Variants in GALNT14 observed in about 807,000 individuals in gnomAD.
GALNT14 encodes UDP-GalNAc:polypeptide N-acetylgalactosaminyltransferase 14.
GALNT14 carries 60 observed loss-of-function variants against 77.5 expected under a neutral mutation model. The ratio of observed to expected loss-of-function variants is 0.77; its 90% CI spans 0.63 to 0.96. The LOEUF is 0.96. GALNT14 is among the 40% of genes least tolerant of loss of function. The probability of loss-of-function intolerance (pLI) is 0.00; values close to 1 mark genes in which losing one functional copy is unlikely to be tolerated. For missense variants in GALNT14, 710 were observed against 731.0 expected (o/e 0.97, Z 0.33); for synonymous variants, 280 against 281.7 (o/e 0.99, Z 0.06).
chr2:30,960,088 AG>A (rs1667593019), intron 3 of GALNT14, among the ~76,000 whole-genome samples: 2 of 152,324 alleles, frequency 1.3e-5, no homozygotes, highest in South Asian at 4.1e-4. Flanking sequence ...AACTAGTATC[AG>A]ATGGAGAGAG....
intron 1 of GALNT14, among the ~76,000 whole-genome samples, chr2:31,098,516 C>T (rs528178573): frequency 6.6e-6 from 1 of 152,132 alleles, no homozygotes; most frequent in Non-Finnish European, 1.5e-5. Flanking sequence ...CCCTTCTACC[C>T]TTGCCCATCC....
chr2:31,010,668 C>T (rs1416529175), intron 1 of GALNT14, among the ~76,000 whole-genome samples: 2 of 152,152 alleles, frequency 1.3e-5, no homozygotes, highest in East Asian at 3.9e-4. Context: ...CCTCCAGCGG[C>T]TCCCACTGCA....
At chr2:31,032,956 G>C (rs1672504849) in intron 1 of GALNT14, among the ~76,000 whole-genome samples, 1 of 152,146 alleles carries the variant, frequency 6.6e-6, no homozygotes, top group South Asian at 2.1e-4. Context: ...GCAGCCCTGA[G>C]TTGGAATCAC....
the GALNT14 span, among the ~76,000 whole-genome samples, chr2:30,899,339 T>C: frequency 1.3e-5 from 2 of 152,216 alleles, no homozygotes; most frequent in African/African-American, 4.8e-5. Flanking sequence ...AAGGCTCCGC[T>C]CTGGGAAGCT....
At chr2:31,016,106 C>G (rs1671332039) in intron 1 of GALNT14, among the ~76,000 whole-genome samples, 1 of 152,172 alleles carries the variant, frequency 6.6e-6, no homozygotes, top group Non-Finnish European at 1.5e-5. Flanking sequence ...GGGGCTTAAA[C>G]AACAGAAGTT....
At chr2:30,957,769 G>A (rs796452017) in intron 4 of GALNT14, among the ~76,000 whole-genome samples, 53 of 152,258 alleles carry the variant, frequency 3.5e-4, no homozygotes, top group African/African-American at 9.4e-4. Flanking sequence ...CCCTCAGTTC[G>A]TCACCAGGAA....
intron 1 of GALNT14, among the ~76,000 whole-genome samples, chr2:31,076,168 T>TA (rs1675772564): frequency 6.6e-6 from 1 of 152,186 alleles, no homozygotes; most frequent in Non-Finnish European, 1.5e-5. Flanking sequence ...TGCCCACAAA[T>TA]ATTTAGTGAG....
chr2:31,105,829 A>C (rs1677528120), intron 1 of GALNT14, among the ~76,000 whole-genome samples: 2 of 152,218 alleles, frequency 1.3e-5, no homozygotes, highest in Admixed American at 1.3e-4. Context: ...TAAGAAAAAA[A>C]TGTATGTATA....
At chr2:30,903,419 T>A in the GALNT14 span, among the ~76,000 whole-genome samples, 1 of 152,210 alleles carries the variant, frequency 6.6e-6, no homozygotes, top group Non-Finnish European at 1.5e-5. Context: ...AATTTATAAC[T>A]GAGATGAGTT....
Position 30,924,731 on chromosome 2 carries a change from G to T in GALNT14, c.1235+9C>A, listed in dbSNP as rs767504347. 13 of 1,612,316 alleles carry T rather than the reference G, an allele frequency of 8.1e-6. No homozygotes were observed. The highest frequency in any genetic ancestry group is 1.0e-5 in the Non-Finnish European group (12 of 1,178,526). The stretch of plus-strand genomic sequence containing the variant: ...AGCCAGCCAAAGCTCCAACAGGTAG[G>T]ACGGATACCTGAGTTCAGGGTAGAT... On this transcript the variant is annotated intron_variant, in intron 12 of 14. Coordinates refer to ENST00000349752, the MANE Select transcript of GALNT14 (RefSeq NM_024572.4).
intron 1 of GALNT14, among the ~76,000 whole-genome samples, chr2:31,084,722 A>G (rs1000070931): frequency 6.6e-6 from 1 of 152,170 alleles, no homozygotes; most frequent in Non-Finnish European, 1.5e-5. Context: ...GCTGGTGTGA[A>G]GATTAAAGGT....
At position 31,083,419 on chromosome 2, in the gene GALNT14, C is replaced by G. The variant is rs116601138; in HGVS notation, c.129+54539G>C. On this transcript the variant is annotated intron_variant, in intron 1 of 14. Coordinates refer to ENST00000349752, the MANE Select transcript of GALNT14 (RefSeq NM_024572.4). ...AATGTAGTGAATCGATAATCATTAA[C>G]GAGCTGTCTGGTCTAATCATTTCCT... Among the ~76,000 whole-genome samples the G allele has an allele frequency of 4.6e-3, 705 of 152,262 alleles. 5 individuals are homozygous for G. Among genetic ancestry groups the G allele is most frequent in the Middle Eastern group, 0.027 (8 of 294 alleles).
intron 1 of GALNT14, among the ~76,000 whole-genome samples, chr2:31,005,664 G>A (rs1184243602): frequency 6.6e-6 from 1 of 152,040 alleles, no homozygotes; most frequent in African/African-American, 2.4e-5. Flanking sequence ...GCAGAAATGG[G>A]GTCTCTGACA....
At chr2:31,026,046 GT>G (rs1672033483) in intron 1 of GALNT14, among the ~76,000 whole-genome samples, 1 of 152,188 alleles carries the variant, frequency 6.6e-6, no homozygotes, top group Non-Finnish European at 1.5e-5. Flanking sequence ...GCACACTGGT[GT>G]TTGACCAGAC....
At chr2:30,953,036 C>T (rs953108138) in intron 6 of GALNT14, among the ~76,000 whole-genome samples, 4 of 152,222 alleles carry the variant, frequency 2.6e-5, no homozygotes, top group African/African-American at 9.6e-5. Context: ...CCACCAGTTT[C>T]TTCCCCAGCT....
At chr2:31,033,803 A>G (rs778340670) in intron 1 of GALNT14, among the ~76,000 whole-genome samples, 4 of 152,108 alleles carry the variant, frequency 2.6e-5, no homozygotes, top group Non-Finnish European at 5.9e-5. Context: ...ATTTCTCTCC[A>G]GAACGCCCTC....
chr2:30,929,397 C>T lies in GALNT14; in HGVS notation c.1149G>A (p.Gly383=), dbSNP rs34587920. Residue 383 remains glycine, a splice_region_variant and synonymous_variant, in exon 11 of 15, where the codon GGG becomes GGA. Coordinates refer to ENST00000349752, the MANE Select transcript of GALNT14 (RefSeq NM_024572.4). ...ARPFALERPF[G]NVESRLDLRK... ...CCTCAACCTGAAGGGACACTTACTT[C>T]CCGAAGGGCCTCTCCAGGGCGAATG... is the stretch of plus-strand genomic sequence containing the variant. The T allele has an allele frequency of 2.1e-4, 332 of 1,613,352 alleles. 1 individual carries two copies. In the African/African-American group the frequency reaches 4.2e-3, roughly 20 times the overall value.
chr2:31,106,456 A>G (rs1677566955), intron 1 of GALNT14, among the ~76,000 whole-genome samples: 2 of 151,936 alleles, frequency 1.3e-5, no homozygotes, highest in African/African-American at 2.4e-5. Flanking sequence ...TCCACACTGC[A>G]TTTTCCACAG....
intron 1 of GALNT14, among the ~76,000 whole-genome samples, chr2:31,056,870 G>A (rs1345076136): frequency 1.3e-5 from 2 of 152,052 alleles, no homozygotes; most frequent in African/African-American, 4.8e-5. Flanking sequence ...GCAAACACAT[G>A]GAATCAACTT....
Sources: gnomAD v4.1 joint callset for allele counts (sites outside exome capture counted in the v4.1 genomes callset) on GRCh38, gnomAD v4.1.1 for gene constraint, MANE v1.5 for transcripts, NCBI Gene and HGNC (gene_info 2026-07-23, HGNC 2026-07-21) for gene names.